Variants in ZNF362 observed in about 807,000 individuals in gnomAD.
The protein encoded by ZNF362 is rotund homolog.
A neutral mutation model predicts 42.9 loss-of-function variants in ZNF362; 11 were observed. That is an observed-to-expected ratio of 0.26 (90% CI 0.16 to 0.42). The LOEUF is 0.42. Ranked by LOEUF, ZNF362 falls within the 20% of genes least tolerant of loss-of-function variation. The probability of loss-of-function intolerance (pLI) is 1.00; values close to 1 mark genes in which losing one functional copy is unlikely to be tolerated. For missense variants in ZNF362, 362 were observed against 576.2 expected, an observed-to-expected ratio of 0.63 and a Z score of 3.81; for synonymous variants, 255 against 257.3, an observed-to-expected ratio of 0.99 and a Z score of 0.09.
the ZNF362 span, among the ~76,000 whole-genome samples, chr1:33,246,913 A>T: frequency 1.3e-5 from 2 of 152,218 alleles, no homozygotes; most frequent in African/African-American, 2.4e-5. Context: ...GGTGGCTGAC[A>T]GTCTGAACTG....
the ZNF362 span, among the ~76,000 whole-genome samples, chr1:33,132,287 C>A: frequency 1.3e-5 from 2 of 152,208 alleles, no homozygotes; most frequent in African/African-American, 4.8e-5. Flanking sequence ...CTGTCAAGGG[C>A]CAGATAGTCA....
At chr1:33,231,137 G>A in the ZNF362 span, among the ~76,000 whole-genome samples, 4 of 152,142 alleles carry the variant, frequency 2.6e-5, no homozygotes, top group Non-Finnish European at 5.9e-5. Flanking sequence ...TAATTTTCAC[G>A]CAATGCTCTT....
the ZNF362 span, among the ~76,000 whole-genome samples, chr1:33,236,405 G>T: frequency 6.7e-6 from 1 of 149,798 alleles, no homozygotes; most frequent in South Asian, 2.1e-4. Flanking sequence ...AGCCAGGTGT[G>T]GTGGTGTGCA....
chr1:33,179,231 G>A, the ZNF362 span, among the ~76,000 whole-genome samples: 2,417 of 152,348 alleles, frequency 0.016, 60 homozygotes, highest in African/African-American at 0.054. Context: ...GCCAAGCCTT[G>A]TGCAGGCTCC....
At chr1:33,162,118 T>G in the ZNF362 span, among the ~76,000 whole-genome samples, 3 of 152,336 alleles carry the variant, frequency 2.0e-5, no homozygotes, top group East Asian at 3.9e-4. Flanking sequence ...GCAAACTCAC[T>G]GTCAGAGTGA....
At chr1:33,197,210 G>T in the ZNF362 span, among the ~76,000 whole-genome samples, 2 of 152,168 alleles carry the variant, frequency 1.3e-5, no homozygotes, top group Non-Finnish European at 2.9e-5. Flanking sequence ...TTGACTGAAG[G>T]CTGCACTGTT....
chr1:33,219,002 C>T, the ZNF362 span, among the ~76,000 whole-genome samples: 23 of 150,110 alleles, frequency 1.5e-4, no homozygotes, highest in African/African-American at 4.6e-4. Context: ...CCTGCCCCCC[C>T]GCAAGAGACT....
chr1:33,165,563 C>T, the ZNF362 span: 4 of 1,605,828 alleles, frequency 2.5e-6, no homozygotes, highest in South Asian at 4.5e-5. This position sits in a 1 kb window ranked among gnomAD's most constrained non-coding sequence, Gnocchi z 4.0. Context: ...TCCTTCAGCT[C>T]CCTCTGAAAC....
chr1:33,276,321 C>T (rs1005815221), intron 3 of ZNF362, 27 bp from the exon 4 acceptor site: 5 of 1,542,982 alleles, frequency 3.2e-6, no homozygotes, highest in Admixed American at 2.0e-5. Context: ...GTCCAGACCT[C>T]CTCAGCCCGT....
chr1:33,169,449 C>T, the ZNF362 span, among the ~76,000 whole-genome samples: 1 of 152,208 alleles, frequency 6.6e-6, no homozygotes, highest in African/African-American at 2.4e-5. Flanking sequence ...TCCTCCCTGC[C>T]TCTAGCTCTC....
the ZNF362 span, among the ~76,000 whole-genome samples, chr1:33,182,241 G>A: frequency 6.6e-6 from 1 of 152,172 alleles, no homozygotes; most frequent in Non-Finnish European, 1.5e-5. Flanking sequence ...ACTTGGAACT[G>A]CATCCAGGTC....
At chr1:33,160,069 G>A in the ZNF362 span, 1 of 1,244,142 alleles carries the variant, frequency 8.0e-7, no homozygotes, top group Non-Finnish European at 1.1e-6. Context: ...CGCGTGGTGG[G>A]GGAAATGTCA....
At chr1:33,203,297 G>T in the ZNF362 span, among the ~76,000 whole-genome samples, 1 of 151,998 alleles carries the variant, frequency 6.6e-6, no homozygotes, top group African/African-American at 2.4e-5. Flanking sequence ...GTGGTAAATG[G>T]CAGGATCTCC....
rs899930227 is a variant in ZNF362, at chr1:33,300,398, C to T, written c.*1352C>T. 6 of 143,430 alleles carry T rather than the reference C, an allele frequency of 4.2e-5. No homozygotes were observed. The highest frequency in any genetic ancestry group is 1.3e-4 in the African/African-American group (5 of 38,790). 8.9% of individuals were successfully genotyped at this position (143,430 alleles called of 1,614,324 possible). A position where few individuals can be genotyped will look rare whatever the true frequency, so the allele number is the denominator to read the frequency against. On this transcript the variant is annotated 3_prime_UTR_variant, in exon 9 of 9. Transcript: ENST00000539719. ...GTCCGCATGTTACTCCCTGTAAATACGCTGTTATACATACTGTTAACACCC... is the reference window on the plus strand; with the variant it reads ...GTCCGCATGTTACTCCCTGTAAATATGCTGTTATACATACTGTTAACACCC...
chr1:33,229,402 T>A, the ZNF362 span, among the ~76,000 whole-genome samples: 2 of 147,916 alleles, frequency 1.4e-5, no homozygotes, highest in Non-Finnish European at 3.0e-5. Context: ...ATTTCTATTC[T>A]GCCTTTTTTT....
At chr1:33,228,023 T>C in the ZNF362 span, among the ~76,000 whole-genome samples, 1 of 152,196 alleles carries the variant, frequency 6.6e-6, no homozygotes, top group African/African-American at 2.4e-5. Context: ...GAGATTTGCA[T>C]TTCTTTTACA....
At chr1:33,297,961 G>A (rs1646137278) in intron 8 of ZNF362, among the ~76,000 whole-genome samples, 1 of 152,196 alleles carries the variant, frequency 6.6e-6, no homozygotes, top group Admixed American at 6.5e-5. Context: ...GGAATTTGCA[G>A]GTTGCTTCCC....
chr1:33,132,477 G>A, the ZNF362 span, among the ~76,000 whole-genome samples: 1 of 152,156 alleles, frequency 6.6e-6, no homozygotes, highest in African/African-American at 2.4e-5. Context: ...TGTACTTTCT[G>A]TTCCCTCTGC....
At chr1:33,225,039 A>T in the ZNF362 span, among the ~76,000 whole-genome samples, 2 of 152,188 alleles carry the variant, frequency 1.3e-5, no homozygotes, top group African/African-American at 4.8e-5. Flanking sequence ...CTATGAACTG[A>T]TCTTCTGCTC....
Sources: allele counts gnomAD v4.1 joint callset (sites outside exome capture counted in the v4.1 genomes callset), GRCh38; gene constraint gnomAD v4.1.1; non-coding constraint Gnocchi (gnomAD v3.1); transcripts MANE v1.5; gene names NCBI Gene and HGNC (gene_info 2026-07-23, HGNC 2026-07-21).